PDE6D: variants seen among roughly 807,000 people sequenced by gnomAD.
The protein encoded by PDE6D is retinal rod rhodopsin-sensitive cGMP 3',5'-cyclic phosphodiesterase subunit delta.
PDE6D carries 10 observed loss-of-function variants against 21.9 expected under a neutral mutation model. That is an observed-to-expected ratio of 0.46 (90% CI 0.28 to 0.78). PDE6D has a LOEUF of 0.78. Among genes scored for constraint, PDE6D ranks in the 30% least tolerant of loss-of-function variants. The pLI is 0.12. For synonymous variants in PDE6D, 59 were observed against 63.5 expected (o/e 0.93, Z 0.34); for missense variants, 139 against 184.8 (o/e 0.75, Z 1.44).
At chr2:231,768,630 C>T (rs956806823) in intron 1 of PDE6D, 2 of 152,188 alleles carry the variant, frequency 1.3e-5, no homozygotes, top group Non-Finnish European at 2.9e-5. Flanking sequence ...CTCCTGACTT[C>T]AAGTGATCCA....
chr2:231,733,106 TG>T, intron 4 of PDE6D, 73 bp from the exon 5 acceptor site: 1 of 1,083,638 alleles, frequency 9.2e-7, no homozygotes, highest in Non-Finnish European at 1.4e-6. Context: ...TTCCACAAAG[TG>T]GTTTCCATCT....
intron 1 of PDE6D, among the ~76,000 whole-genome samples, chr2:231,772,911 T>G (rs998935373): frequency 6.6e-6 from 1 of 152,080 alleles, no homozygotes; most frequent in South Asian, 2.1e-4. Flanking sequence ...CTAAATTCCT[T>G]CCAAAAAACA....
chr2:231,778,166 T>C (rs921059211), intron 1 of PDE6D, among the ~76,000 whole-genome samples: 45 of 152,150 alleles, frequency 3.0e-4, no homozygotes, highest in Non-Finnish European at 5.9e-5. Flanking sequence ...CTCAGGAGGC[T>C]GAGGCAGGAG....
At position 231,775,242 on chromosome 2, in the gene PDE6D, C is replaced by T. The variant is rs182105589; in HGVS notation, c.50+5823G>A. ...TTTTTAATTTTATTTTCGTACAGTG[C>T]CACTTTCAGGATATACATATATATT... On this transcript the variant is annotated intron_variant, in intron 1 of 4. Transcript: ENST00000287600. 2.4e-3 allele frequency among the ~76,000 whole-genome samples: 365 copies of T among 151,956 alleles called. 2 individuals are homozygous for T. The highest frequency in any genetic ancestry group is 8.0e-3 in the African/African-American group (330 of 41,464).
chr2:231,755,645 G>A (rs950743510), intron 1 of PDE6D, among the ~76,000 whole-genome samples: 4 of 152,176 alleles, frequency 2.6e-5, no homozygotes, highest in African/African-American at 4.8e-5. Context: ...AGTTGGCTGG[G>A]CACGGTGGCT....
intron 1 of PDE6D, among the ~76,000 whole-genome samples, chr2:231,766,993 C>CAAAAAAAA (rs3038045): frequency 1.0e-3 from 38 of 36,672 alleles, no homozygotes; most frequent in Non-Finnish European, 1.7e-3. Flanking sequence ...GACTCCGTCT[C>CAAAAAAAA]AAAAAAAAAA....
At chr2:231,735,545 G>A (rs1267004750) in intron 4 of PDE6D, among the ~76,000 whole-genome samples, 3 of 151,054 alleles carry the variant, frequency 2.0e-5, no homozygotes, top group Non-Finnish European at 4.4e-5. Flanking sequence ...TGATCCACCC[G>A]ACTTGGCTTC....
chr2:231,763,355 T>A (rs2048946586), intron 1 of PDE6D, among the ~76,000 whole-genome samples: 1 of 152,202 alleles, frequency 6.6e-6, no homozygotes, highest in South Asian at 2.1e-4. Context: ...TTCTCCTTTT[T>A]TCCTTGCCTA....
At chr2:231,769,698 C>T (rs916679034) in intron 1 of PDE6D, among the ~76,000 whole-genome samples, 2 of 152,148 alleles carry the variant, frequency 1.3e-5, no homozygotes, top group African/African-American at 2.4e-5. Context: ...ACTGTAGCCT[C>T]GAATTCCTGA....
intron 1 of PDE6D, among the ~76,000 whole-genome samples, chr2:231,768,207 T>A (rs1026337943): frequency 4.6e-5 from 7 of 152,150 alleles, no homozygotes; most frequent in African/African-American, 1.7e-4. Context: ...CTCAGCTGAT[T>A]CTTAAATATC....
intron 1 of PDE6D, among the ~76,000 whole-genome samples, chr2:231,764,681 T>C (rs1304675733): frequency 6.6e-6 from 1 of 152,228 alleles, no homozygotes; most frequent in Non-Finnish European, 1.5e-5. Flanking sequence ...GTCTCTGCCA[T>C]ACATTCCATT....
At chr2:231,756,428 C>T (rs920189606) in intron 1 of PDE6D, among the ~76,000 whole-genome samples, 16 of 152,136 alleles carry the variant, frequency 1.1e-4, no homozygotes, top group Non-Finnish European at 1.3e-4. Flanking sequence ...ACAATTCCAA[C>T]CAAATCAATG....
intron 1 of PDE6D, among the ~76,000 whole-genome samples, chr2:231,765,691 G>T (rs1447044540): frequency 6.6e-6 from 1 of 152,184 alleles, no homozygotes; most frequent in African/African-American, 2.4e-5. Context: ...GGAAGCAGCT[G>T]CAATGACTAG....
In PDE6D at chr2:231,739,123, G is replaced by T. The variant is rs2048727415; in HGVS notation, c.116C>A (p.Ser39Tyr). ...KILWQGTEDL[S>Y]VPGVEHEARV... ...ACCTTCATGCTCCACACCAGGGACA[G>T]ACAGGTCTTCTGTTCCTTGCCAGAG... Residue 39 changes from serine (S) to tyrosine (Y), a missense_variant, in exon 2 of 5, where the codon TCT becomes TAT. Physicochemically the swap from Ser to Tyr is moderately radical, Grantham distance 144 (BLOSUM62 -2). Coordinates refer to ENST00000287600, the MANE Select transcript of PDE6D (RefSeq NM_002601.4). This position sits in a 1 kb window ranked among gnomAD's most constrained non-coding sequence, Gnocchi z 4.2. The T allele has an allele frequency of 6.2e-7, 1 of 1,612,224 alleles. No individual in the cohort carries two copies.
At position 231,765,198 on chromosome 2, in the gene PDE6D, A is replaced by G. The variant is rs542034431; in HGVS notation, c.50+15867T>C. Among the ~76,000 whole-genome samples the G allele has an allele frequency of 5.3e-5, 8 of 152,244 alleles. No homozygotes were observed. In the East Asian group the frequency reaches 1.4e-3, roughly 26 times the overall value. On this transcript the variant is annotated intron_variant, in intron 1 of 4. Transcript: ENST00000287600. Reference sequence around the variant, plus strand: ...TGAGGCAGGAGGACTGCTTGAGCCCAGGATTTCAAGGCTGCAATGAGCCAG... The same window carrying G: ...TGAGGCAGGAGGACTGCTTGAGCCCGGGATTTCAAGGCTGCAATGAGCCAG...
intron 4 of PDE6D, 61 bp from the exon 5 acceptor site, chr2:231,733,094 A>G (rs2048665335): frequency 8.6e-7 from 1 of 1,161,990 alleles, no homozygotes; most frequent in South Asian, 1.2e-5. Context: ...ACAAGATTTC[A>G]TTTCCACAAA....
At chr2:231,745,241 C>T (rs2048784674) in intron 1 of PDE6D, among the ~76,000 whole-genome samples, 1 of 151,748 alleles carries the variant, frequency 6.6e-6, no homozygotes, top group Non-Finnish European at 1.5e-5. Context: ...CAAAAAAAAC[C>T]GAGGAAACAT....
chr2:231,763,123 T>C (rs930113770), intron 1 of PDE6D, among the ~76,000 whole-genome samples: 5 of 152,222 alleles, frequency 3.3e-5, no homozygotes, highest in Non-Finnish European at 7.3e-5. Flanking sequence ...TGTGCAGTCA[T>C]TTAGAGCAAG....
At chr2:231,748,769 T>A (rs1018362196) in intron 1 of PDE6D, among the ~76,000 whole-genome samples, 3 of 152,172 alleles carry the variant, frequency 2.0e-5, no homozygotes, top group Non-Finnish European at 4.4e-5. Context: ...TCCCAGCTGC[T>A]CCAGCCGTGG....
Sources: allele counts gnomAD v4.1 joint callset (sites outside exome capture counted in the v4.1 genomes callset), GRCh38; gene constraint gnomAD v4.1.1; non-coding constraint Gnocchi (gnomAD v3.1); transcripts MANE v1.5; gene names NCBI Gene and HGNC (gene_info 2026-07-23, HGNC 2026-07-21).